The following PRKAR2A variants were observed in gnomAD, a reference collection of about 807,000 sequenced individuals.
PRKAR2A encodes the protein cAMP-dependent protein kinase type II-alpha regulatory subunit.
Under a neutral mutation model 51.9 loss-of-function variants are expected in PRKAR2A, and 29 were observed. The ratio of observed to expected loss-of-function variants is 0.56; its 90% CI spans 0.42 to 0.76. PRKAR2A has a LOEUF of 0.76. PRKAR2A is among the 30% of genes least tolerant of loss of function. The pLI, the probability that PRKAR2A is intolerant of heterozygous loss-of-function variation, is 0.00. For synonymous variants in PRKAR2A, 178 were observed against 186.2 expected, an observed-to-expected ratio of 0.96 and a Z score of 0.36; for missense variants, 445 against 512.1, an observed-to-expected ratio of 0.87 and a Z score of 1.26.
At chr3:48,842,547 G>C (rs970878994) in intron 1 of PRKAR2A, among the ~76,000 whole-genome samples, 6 of 152,056 alleles carry the variant, frequency 3.9e-5, no homozygotes, top group Non-Finnish European at 8.8e-5. Flanking sequence ...ATTGGCTGTG[G>C]GTTTGTCACA....
intron 8 of PRKAR2A, among the ~76,000 whole-genome samples, chr3:48,760,087 G>T (rs1199116740): frequency 1.3e-5 from 2 of 152,192 alleles, no homozygotes; most frequent in African/African-American, 4.8e-5. Flanking sequence ...GCCAGGTGTG[G>T]TGGCTCACGC....
At chr3:48,831,078 G>A (rs1475293114) in intron 1 of PRKAR2A, among the ~76,000 whole-genome samples, 2 of 152,068 alleles carry the variant, frequency 1.3e-5, no homozygotes, top group South Asian at 4.1e-4. Flanking sequence ...CATGGCCCAG[G>A]GGGTGGGGAC....
intron 1 of PRKAR2A, among the ~76,000 whole-genome samples, chr3:48,842,351 A>C (rs544275687): frequency 6.6e-6 from 1 of 152,332 alleles, no homozygotes; most frequent in East Asian, 1.9e-4. Context: ...CAATCATGTC[A>C]TCTGCAAACA....
chr3:48,764,716 C>T (rs962793152), intron 8 of PRKAR2A, among the ~76,000 whole-genome samples: 8 of 152,138 alleles, frequency 5.3e-5, no homozygotes, highest in Admixed American at 1.3e-4. Context: ...CCTTTGCCTC[C>T]TGGGTTCCAG....
chr3:48,816,851 C>A (rs977211720), intron 1 of PRKAR2A, among the ~76,000 whole-genome samples: 4 of 152,046 alleles, frequency 2.6e-5, no homozygotes, highest in Admixed American at 2.6e-4. Flanking sequence ...TTATGAGGTT[C>A]CTTCTTAAGT....
chr3:48,787,467 T>C (rs912548775), intron 4 of PRKAR2A, among the ~76,000 whole-genome samples: 3 of 152,210 alleles, frequency 2.0e-5, no homozygotes, highest in African/African-American at 7.2e-5. Flanking sequence ...ATTACAGGAA[T>C]GAGCCACCGT....
chr3:48,781,669 T>C (rs1478594821), intron 5 of PRKAR2A, among the ~76,000 whole-genome samples: 2 of 151,888 alleles, frequency 1.3e-5, no homozygotes, highest in Non-Finnish European at 2.9e-5. Context: ...CGTGCCACCA[T>C]GCCCAGATAA....
intron 1 of PRKAR2A, among the ~76,000 whole-genome samples, chr3:48,842,669 A>G (rs944589754): frequency 2.0e-5 from 3 of 152,202 alleles, no homozygotes; most frequent in Non-Finnish European, 4.4e-5. Context: ...CTATTGAGAT[A>G]ATCATGTGGT....
intron 1 of PRKAR2A, among the ~76,000 whole-genome samples, chr3:48,846,652 G>A (rs918806295): frequency 1.3e-5 from 2 of 152,138 alleles, no homozygotes; most frequent in African/African-American, 2.4e-5. Flanking sequence ...TGCCCCGGCC[G>A]GCAAGATAAT....
At chr3:48,784,800 C>T (rs2082261243) in intron 4 of PRKAR2A, among the ~76,000 whole-genome samples, 1 of 152,130 alleles carries the variant, frequency 6.6e-6, no homozygotes, top group Non-Finnish European at 1.5e-5. Flanking sequence ...TCAAATAACA[C>T]AGTTATAACA....
chr3:48,839,047 G>A (rs1323964359), intron 1 of PRKAR2A, among the ~76,000 whole-genome samples: 1 of 152,062 alleles, frequency 6.6e-6, no homozygotes, highest in Non-Finnish European at 1.5e-5. Context: ...CAACACTTTG[G>A]GAGGCCGAGG....
intron 1 of PRKAR2A, among the ~76,000 whole-genome samples, chr3:48,824,672 T>A (rs1043210710): frequency 6.6e-6 from 1 of 152,062 alleles, no homozygotes; most frequent in Non-Finnish European, 1.5e-5. Flanking sequence ...AGGACAAGCA[T>A]GATGGCTCAC....
intron 1 of PRKAR2A, among the ~76,000 whole-genome samples, chr3:48,812,822 T>C (rs2082798222): frequency 6.6e-6 from 1 of 152,234 alleles, no homozygotes; most frequent in Admixed American, 6.5e-5. Flanking sequence ...CCTTATGTTC[T>C]AATTAAACTT....
rs1299819195 is a variant in PRKAR2A, at chr3:48,750,819, C to A, written c.*766G>T. ...AAACCTACTAAAAAAATTAAAAAAT[C>A]CCACAAAATCCCCAACCCAGAAAAC... is the stretch of plus-strand genomic sequence containing the variant. On this transcript the variant is annotated 3_prime_UTR_variant, in exon 11 of 11. Transcript: ENST00000265563. 1 of 153,612 alleles carries A rather than the reference C, an allele frequency of 6.5e-6. No homozygotes were observed. The highest frequency in any genetic ancestry group is 1.4e-5 in the Non-Finnish European group (1 of 69,016). The allele number at this position is 153,612 out of a possible 1,614,324, so 9.5% of individuals were successfully genotyped here. A position where few individuals can be genotyped will look rare whatever the true frequency, so the allele number is the denominator to read the frequency against.
chr3:48,829,806 CATAT>C (rs201347670), intron 1 of PRKAR2A, among the ~76,000 whole-genome samples: 2 of 116,406 alleles, frequency 1.7e-5, no homozygotes, highest in Admixed American at 1.8e-4. Flanking sequence ...CGTATATATA[CATAT>C]ATATGTATGT....
chr3:48,765,391 C>CAG, intron 6 of PRKAR2A, 42 bp from the exon 7 acceptor site: 1 of 1,361,624 alleles, frequency 7.3e-7, no homozygotes, highest in Non-Finnish European at 1.0e-6. Flanking sequence ...TGCCTATATA[C>CAG]AGGAACATCT....
downstream of PRKAR2A, among the ~76,000 whole-genome samples, chr3:48,746,307 C>T (rs1270234255): frequency 2.0e-5 from 3 of 147,886 alleles, no homozygotes; most frequent in Non-Finnish European, 4.4e-5. Context: ...CTGCTTGAGC[C>T]TAGGAGTTTG....
intron 1 of PRKAR2A, among the ~76,000 whole-genome samples, chr3:48,823,677 T>C (rs1035893355): frequency 6.7e-6 from 1 of 148,330 alleles, no homozygotes; most frequent in Non-Finnish European, 1.5e-5. Flanking sequence ...TCCCAGCTAC[T>C]GGGGAGGCCA....
At chr3:48,792,455 CTTTTTTTTTTTTT>C (rs983032500) in intron 3 of PRKAR2A, among the ~76,000 whole-genome samples, 2 of 66,808 alleles carry the variant, frequency 3.0e-5, no homozygotes, top group Non-Finnish European at 5.6e-5. Context: ...AAGGTTTAAT[CTTTTTTTTTTTTT>C]TTTTTTTTTT....
Sources: allele counts gnomAD v4.1 joint callset (sites outside exome capture counted in the v4.1 genomes callset), GRCh38; gene constraint gnomAD v4.1.1; transcripts MANE v1.5; gene names NCBI Gene and HGNC (gene_info 2026-07-23, HGNC 2026-07-21).